The following DSTYK variants were observed in gnomAD, a reference collection of about 807,000 sequenced individuals.
DSTYK encodes dual serine/threonine and tyrosine protein kinase.
A neutral mutation model predicts 98.7 loss-of-function variants in DSTYK; 34 were observed. That is an observed-to-expected ratio of 0.34 (90% confidence interval 0.26 to 0.46). DSTYK has a LOEUF of 0.46. DSTYK is among the 20% of genes least tolerant of loss of function. The pLI is 1.00. For missense variants in DSTYK, 962 were observed against 1,181.7 expected (o/e 0.81, Z 2.73); for synonymous variants, 462 against 457.3 (o/e 1.01, Z -0.13).
intron 2 of DSTYK, among the ~76,000 whole-genome samples, chr1:205,175,486 A>G (rs184624789): frequency 3.0e-4 from 45 of 152,334 alleles, no homozygotes; most frequent in African/African-American, 1.1e-3. Context: ...GTTGACCAAC[A>G]TGTGCAGTTG....
intron 1 of DSTYK, among the ~76,000 whole-genome samples, chr1:205,188,063 T>G (rs1485285914): frequency 6.6e-6 from 1 of 152,010 alleles, no homozygotes; most frequent in Non-Finnish European, 1.5e-5. Context: ...AATGTGGGAG[T>G]GACCTGATCT....
At chr1:205,171,479 C>G (rs117916640) in intron 2 of DSTYK, among the ~76,000 whole-genome samples, 3 of 144,492 alleles carry the variant, frequency 2.1e-5, no homozygotes, top group East Asian at 2.1e-4. Context: ...AAAAAAAGAT[C>G]TTTGAGGTTT....
chr1:205,162,267 A>C, intron 5 of DSTYK, 55 bp from the exon 6 acceptor site: 1 of 1,588,026 alleles, frequency 6.3e-7, no homozygotes, highest in Non-Finnish European at 8.6e-7. Flanking sequence ...GAACCACTAC[A>C]AAGATCCAGT....
At chr1:205,174,513 CAAAAAAA>C (rs1161752883) in intron 2 of DSTYK, among the ~76,000 whole-genome samples, 4 of 97,142 alleles carry the variant, frequency 4.1e-5, no homozygotes, top group Admixed American at 2.3e-4. Context: ...ACTCCGTCTC[CAAAAAAA>C]AAAAAAAAAA....
At chr1:205,164,923 A>C (rs1426587823) in intron 3 of DSTYK, among the ~76,000 whole-genome samples, 1 of 152,090 alleles carries the variant, frequency 6.6e-6, no homozygotes, top group Non-Finnish European at 1.5e-5. Context: ...AACAGCCTCA[A>C]AGAGAGAACA....
At chr1:205,190,208 G>A (rs1658669055) in intron 1 of DSTYK, among the ~76,000 whole-genome samples, 1 of 152,162 alleles carries the variant, frequency 6.6e-6, no homozygotes, top group Non-Finnish European at 1.5e-5. Context: ...TCCATTTAGT[G>A]GGGACAGCTA....
At position 205,211,477 on chromosome 1, in the gene DSTYK, C is replaced by T. The variant is rs1416594238; in HGVS notation, c.59G>A (p.Gly20Asp). The T allele has an allele frequency of 1.3e-6, 2 of 1,585,718 alleles. No homozygotes were observed. Among genetic ancestry groups the T allele is most frequent in the Non-Finnish European group, 1.7e-6 (2 of 1,170,128 alleles). ...GCACAGCTCGCGGATCATTCCGCCG[C>T]CGCCGGGGCCGGGACCCGAGACGGG... ...SEPVSGPGPG[G>D]GGMIRELCRG... Residue 20 changes from glycine (G) to aspartate (D), a missense_variant, in exon 1 of 13, where the codon GGC becomes GAC. This residue lies in a region of DSTYK where 168 missense variants were observed against 120.0 expected (regional missense o/e 1.40). Transcript: ENST00000367162.
rs191099513 is a variant in DSTYK, at chr1:205,208,069, G to A, written c.265+3202C>T. Among the ~76,000 whole-genome samples, 170 of 151,966 alleles carry A rather than the reference G, an allele frequency of 1.1e-3. 1 individual carries two copies. The highest frequency in any genetic ancestry group is 1.9e-3 in the Non-Finnish European group (126 of 67,970). On this transcript the variant is annotated intron_variant, in intron 1 of 12. Transcript: ENST00000367162. ...ATTTTTTTGGATTTTTAATAGAGAC[G>A]GGGTTTCTCCATGTTGGCCAGGCTG...
Position 205,211,573 on chromosome 1 carries a change from G to C in DSTYK, c.-38C>G. 3 of 1,418,546 alleles carry C rather than the reference G, an allele frequency of 2.1e-6. No homozygotes were observed. The South Asian group carries it at 4.6e-5, about 22-fold the overall frequency. 87.9% of individuals were successfully genotyped at this position (1,418,546 alleles called of 1,614,324 possible). ...CTCTGTCTTTGCGGCTCGGTCCCCG[G>C]CCGCAGGCCCGGCCTCCCTCCTCCC... On this transcript the variant is annotated 5_prime_UTR_variant, in exon 1 of 13. Coordinates refer to ENST00000367162, the MANE Select transcript of DSTYK (RefSeq NM_015375.3).
chr1:205,152,121 C>T (rs1466063422), intron 10 of DSTYK, among the ~76,000 whole-genome samples: 1 of 152,174 alleles, frequency 6.6e-6, no homozygotes, highest in Non-Finnish European at 1.5e-5. Context: ...TGCAACATTA[C>T]AACAGCTATG....
In DSTYK at chr1:205,161,302, C is replaced by A; in HGVS notation, c.1904G>T (p.Arg635Leu). 1 of 1,614,050 alleles carries A rather than the reference C, an allele frequency of 6.2e-7. No homozygotes were observed. The highest frequency in any genetic ancestry group is 8.5e-7 in the Non-Finnish European group (1 of 1,179,958). The part of the protein sequence containing the change: ...VRKDHAPRLA[R>L]LSLESCSLQD... ...TAAAGAACAGCTTTCCAGAGAAAGG[C>A]GGGCCAGGCGGGGAGCATGATCTTT... Residue 635 changes from arginine to leucine, a missense_variant, in exon 7 of 13, where the codon CGC becomes CTC. By Grantham distance (102) the Arg-to-Leu change is moderately radical (BLOSUM62 -2). This residue lies in a region of DSTYK where 660 missense variants were observed against 855.0 expected (regional missense o/e 0.77). Coordinates refer to ENST00000367162, the MANE Select transcript of DSTYK (RefSeq NM_015375.3).
chr1:205,159,873 A>G (rs537275774), intron 8 of DSTYK, 194 bp from the exon 9 acceptor site: 1 of 798,658 alleles, frequency 1.3e-6, no homozygotes, highest in Admixed American at 2.9e-5. Flanking sequence ...CTGGATTCTA[A>G]AAACTGATAA....
intron 1 of DSTYK, among the ~76,000 whole-genome samples, chr1:205,206,525 C>T (rs554919717): frequency 9.9e-5 from 15 of 151,334 alleles, no homozygotes; most frequent in Non-Finnish European, 1.8e-4. Context: ...GTGATCCACC[C>T]GCCTCAGCCT....
intron 2 of DSTYK, among the ~76,000 whole-genome samples, chr1:205,180,381 G>A (rs552777633): frequency 2.6e-5 from 4 of 151,218 alleles, no homozygotes; most frequent in South Asian, 4.2e-4. Flanking sequence ...TTCTGTTCCC[G>A]TGTTAGTTTG....
chr1:205,154,990 A>G (rs1413498071), intron 10 of DSTYK, among the ~76,000 whole-genome samples: 1 of 151,574 alleles, frequency 6.6e-6, no homozygotes, highest in African/African-American at 2.4e-5. Context: ...TTATTTATTT[A>G]TTTATTTATT....
chr1:205,160,325 C>G, intron 7 of DSTYK, 55 bp from the exon 8 acceptor site: 1 of 1,506,850 alleles, frequency 6.6e-7, no homozygotes, highest in South Asian at 1.2e-5. Context: ...TCGTGGGCAA[C>G]CTCTGTAAGA....
chr1:205,181,823 A>G (rs537033874), intron 2 of DSTYK, among the ~76,000 whole-genome samples: 43 of 151,988 alleles, frequency 2.8e-4, no homozygotes, highest in African/African-American at 1.0e-3. Flanking sequence ...CTTGGACCAC[A>G]GGTGTACACC....
Position 205,211,525 on chromosome 1 carries a change from T to A in DSTYK, c.11A>T (p.Asp4Val). Reference protein sequence around the residue: MEGDGVPWGSEPVS... With the variant: MEGVGVPWGSEPVS... ...GGGCTCGCTGCCCCATGGCACCCCG[T>A]CGCCCTCCATCGCCTCTGCCCGCTC... The change falls in exon 1 of 13, where the codon GAC becomes GTC. Residue 4 changes from aspartate to valine, a missense_variant. Transcript: ENST00000367162. 6.5e-7 allele frequency: 1 copy of A among 1,538,546 alleles called. No individual in the cohort carries two copies.
At chr1:205,166,379 C>T (rs1657890626) in intron 3 of DSTYK, among the ~76,000 whole-genome samples, 2 of 151,794 alleles carry the variant, frequency 1.3e-5, no homozygotes, top group East Asian at 1.9e-4. Context: ...ACGCTGGGCA[C>T]GATGGCTCAT....
Sources: allele counts gnomAD v4.1 joint callset (sites outside exome capture counted in the v4.1 genomes callset), GRCh38; gene constraint gnomAD v4.1.1; regional missense constraint gnomAD v4.1.1; transcripts MANE v1.5; gene names NCBI Gene and HGNC (gene_info 2026-07-23, HGNC 2026-07-21).